SNAP91: variants seen among roughly 807,000 people sequenced by gnomAD.
The protein encoded by SNAP91 is synaptosome associated protein 91, also known as clathrin coat assembly protein AP180.
A neutral mutation model predicts 100.3 loss-of-function variants in SNAP91; 27 were observed. The ratio of observed to expected loss-of-function variants is 0.27; its 90% confidence interval spans 0.20 to 0.37. The LOEUF is 0.37. Ranked by LOEUF, SNAP91 falls within the 10% of genes least tolerant of loss-of-function variation. SNAP91 has a pLI of 1.00. For missense variants in SNAP91, 986 were observed against 1,123.7 expected (o/e 0.88, Z 1.75); for synonymous variants, 404 against 398.6 (o/e 1.01, Z -0.16).
At chr6:83,620,070 ATAT>A (rs1380752922) in intron 9 of SNAP91, among the ~76,000 whole-genome samples, 1 of 152,168 alleles carries the variant, frequency 6.6e-6, no homozygotes, top group Non-Finnish European at 1.5e-5. Context: ...AATAATTATG[ATAT>A]TATGTGTACA....
At chr6:83,702,896 T>C (rs1212228629) in intron 2 of SNAP91, among the ~76,000 whole-genome samples, 7 of 152,322 alleles carry the variant, frequency 4.6e-5, no homozygotes, top group African/African-American at 1.7e-4. Context: ...TACCTAAGAC[T>C]GTTTGTCACT....
At position 83,698,326 on chromosome 6, in the gene SNAP91, CA is replaced by C. The variant is rs34370410; in HGVS notation, c.130+9471del. On this transcript the variant is annotated intron_variant, in intron 2 of 29. Coordinates refer to ENST00000369694, the MANE Select transcript of SNAP91 (RefSeq NM_001242792.2). ...AGAAAATAAAAGCAATCTCCAAGGC[CA>C]AAAAAAAAAAAAAAAGAAAGAAATT... is the stretch of plus-strand genomic sequence containing the variant. 6.0e-3 allele frequency among the ~76,000 whole-genome samples: 653 copies of C among 108,120 alleles called. 2 individuals carry two copies. The highest frequency in any genetic ancestry group is 6.8e-3 in the Non-Finnish European group (350 of 51,110). The allele number at this position is 108,120 out of a possible 152,430, so 70.9% of individuals were successfully genotyped here.
chr6:83,671,767 A>G (rs921636372), intron 2 of SNAP91, among the ~76,000 whole-genome samples: 1 of 152,118 alleles, frequency 6.6e-6, no homozygotes, highest in African/African-American at 2.4e-5. Flanking sequence ...AGCAACAAAT[A>G]TAAATAGTTC....
chr6:83,631,043 T>C (rs2097186596), intron 8 of SNAP91, among the ~76,000 whole-genome samples: 2 of 152,174 alleles, frequency 1.3e-5, no homozygotes, highest in Admixed American at 1.3e-4. Context: ...GTTGTGTCAC[T>C]ACTGTCATTC....
intron 7 of SNAP91, among the ~76,000 whole-genome samples, chr6:83,644,439 C>G (rs1369822353): frequency 6.6e-6 from 1 of 152,140 alleles, no homozygotes; most frequent in Admixed American, 6.5e-5. Flanking sequence ...AAAACTGGCA[C>G]TTTTAAAGAG....
chr6:83,557,738 G>T (rs543633164), intron 28 of SNAP91, among the ~76,000 whole-genome samples: 10 of 151,868 alleles, frequency 6.6e-5, no homozygotes, highest in South Asian at 6.3e-4. Context: ...CATAGAGAGA[G>T]ATATATATAT....
chr6:83,662,723 T>TA (rs1272556559), intron 3 of SNAP91, among the ~76,000 whole-genome samples: 1 of 152,182 alleles, frequency 6.6e-6, no homozygotes, highest in African/African-American at 2.4e-5. Flanking sequence ...ATAAATATCT[T>TA]ACGAATGCAA....
chr6:83,609,999 A>G (rs1429662963), intron 12 of SNAP91, among the ~76,000 whole-genome samples: 6 of 152,220 alleles, frequency 3.9e-5, no homozygotes, highest in African/African-American at 4.8e-5. Context: ...ACTATACTAC[A>G]TTGGACTTAG....
rs62419595 is a variant in SNAP91, at chr6:83,700,443, G to A, written c.130+7355C>T. ...TTAGTAGTGGTATTAATAACTGATTGTTATTGCATATTTGTGTGTCAAGTT... is the reference window on the plus strand; with the variant it reads ...TTAGTAGTGGTATTAATAACTGATTATTATTGCATATTTGTGTGTCAAGTT... On this transcript the variant is annotated intron_variant, in intron 2 of 29. Transcript: ENST00000369694. Among the ~76,000 whole-genome samples the A allele has an allele frequency of 4.5e-3, 677 of 151,960 alleles. 1 individual carries two copies. Among genetic ancestry groups the A allele is most frequent in the Non-Finnish European group, 6.6e-3 (447 of 67,968 alleles).
At chr6:83,684,414 G>A (rs2099033289) in intron 2 of SNAP91, among the ~76,000 whole-genome samples, 1 of 152,062 alleles carries the variant, frequency 6.6e-6, no homozygotes, top group African/African-American at 2.4e-5. Context: ...ACAACTGTAT[G>A]TGTTTGCATA....
intron 26 of SNAP91, among the ~76,000 whole-genome samples, chr6:83,562,889 T>G (rs1219354336): frequency 6.6e-6 from 1 of 152,218 alleles, no homozygotes; most frequent in Non-Finnish European, 1.5e-5. Flanking sequence ...GGCTCCCCAC[T>G]TCCCTTTGGC....
chr6:83,665,161 C>A (rs2098655167), intron 3 of SNAP91, among the ~76,000 whole-genome samples: 1 of 151,912 alleles, frequency 6.6e-6, no homozygotes, highest in South Asian at 2.1e-4. Flanking sequence ...TCGCTTATTG[C>A]AATATTAGCT....
chr6:83,650,808 C>T (rs781414379), intron 7 of SNAP91, among the ~76,000 whole-genome samples: 1 of 152,198 alleles, frequency 6.6e-6, no homozygotes, highest in Non-Finnish European at 1.5e-5. Flanking sequence ...CTATTTCTAT[C>T]TTCTGGAAGA....
chr6:83,644,518 A>G (rs887883921), intron 7 of SNAP91, among the ~76,000 whole-genome samples: 4 of 152,212 alleles, frequency 2.6e-5, no homozygotes, highest in Admixed American at 1.3e-4. Context: ...TTAACTTTCA[A>G]TATTTGAAAT....
chr6:83,620,794 C>T (rs1246977040), intron 9 of SNAP91, among the ~76,000 whole-genome samples: 3 of 151,928 alleles, frequency 2.0e-5, no homozygotes, highest in Admixed American at 2.0e-4. Flanking sequence ...TCACTGTAAG[C>T]TCCACCTCCC....
intron 2 of SNAP91, among the ~76,000 whole-genome samples, chr6:83,685,399 T>G (rs1329670493): frequency 6.6e-6 from 1 of 152,218 alleles, no homozygotes; most frequent in Non-Finnish European, 1.5e-5. Context: ...TAATAAATAC[T>G]TCGGCTTTCC....
chr6:83,591,041 T>C (rs893516959), intron 22 of SNAP91, among the ~76,000 whole-genome samples, 170 bp downstream of exon 22: 1 of 152,164 alleles, frequency 6.6e-6, no homozygotes, highest in Non-Finnish European at 1.5e-5. Flanking sequence ...ACCCAAGTAA[T>C]AAGCATAGTA....
intron 26 of SNAP91, among the ~76,000 whole-genome samples, chr6:83,564,345 T>A (rs1032270425): frequency 7.4e-5 from 11 of 149,482 alleles, no homozygotes; most frequent in Non-Finnish European, 1.0e-4. Flanking sequence ...CTTTTTTTTT[T>A]TATATATATA....
chr6:83,631,465 T>C (rs1226529705), intron 8 of SNAP91, among the ~76,000 whole-genome samples: 2 of 152,116 alleles, frequency 1.3e-5, no homozygotes, highest in Admixed American at 6.5e-5. Context: ...TATTATTGTG[T>C]TGCTATCTCA....
Sources: gnomAD v4.1 joint callset for allele counts (sites outside exome capture counted in the v4.1 genomes callset) on GRCh38, gnomAD v4.1.1 for gene constraint, MANE v1.5 for transcripts, NCBI Gene and HGNC (gene_info 2026-07-23, HGNC 2026-07-21) for gene names.